Variants in MDM4 observed in about 807,000 individuals in gnomAD.
MDM4 encodes the protein protein Mdm4.
In MDM4, 2 loss-of-function variants were observed where a neutral mutation model predicts 60.2. The observed-to-expected ratio is 0.03, with a 90% CI of 0.01 to 0.10. The LOEUF (loss-of-function observed/expected upper bound fraction) is 0.10. MDM4 is among the 10% of genes least tolerant of loss of function. MDM4 has a pLI of 1.00. For synonymous variants in MDM4, 202 were observed against 198.1 expected, an observed-to-expected ratio of 1.02 and a Z score of -0.17; for missense variants, 447 against 577.5, an observed-to-expected ratio of 0.77 and a Z score of 2.32.
At chr1:204,535,694 G>A (rs1415683913) in intron 5 of MDM4, among the ~76,000 whole-genome samples, 8 of 151,794 alleles carry the variant, frequency 5.3e-5, no homozygotes, top group Non-Finnish European at 7.4e-5. Context: ...CACCAAGCCC[G>A]GCTAATTTTT....
rs764328425 is a variant in MDM4, at chr1:204,546,801, T to C, written c.827T>C (p.Ile276Thr). The change falls in exon 10 of 11, where the codon ATT (isoleucine) becomes ACT (threonine). Residue 276 changes from isoleucine to threonine, a missense_variant. Ile to Thr is a moderately conservative substitution (Grantham distance 89). Coordinates refer to ENST00000367182, the MANE Select transcript of MDM4 (RefSeq NM_002393.5). ...EVGKVSDKKV[I>T]EVGKNDDLED... is the part of the protein sequence containing the mutation. Reference sequence around the variant, plus strand: ...GAGATGTTTTTGCCTTCACAGGTGATTGAAGTGGGAAAAAATGATGACCTG... The same window carrying C: ...GAGATGTTTTTGCCTTCACAGGTGACTGAAGTGGGAAAAAATGATGACCTG... The C allele has an allele frequency of 1.2e-5, 20 of 1,610,472 alleles. No individual in the cohort carries two copies. The highest frequency in any genetic ancestry group is 1.1e-4 in the East Asian group (5 of 44,844).
At chr1:204,532,135 G>T in intron 4 of MDM4, 56 bp from the exon 5 acceptor site, 1 of 1,028,902 alleles carries the variant, frequency 9.7e-7, no homozygotes. Flanking sequence ...GCAAACCACT[G>T]ATATCTTCAT....
intron 1 of MDM4, among the ~76,000 whole-genome samples, chr1:204,524,913 T>C (rs12135978): frequency 4.6e-5 from 7 of 152,276 alleles, no homozygotes; most frequent in Non-Finnish European, 7.3e-5. Context: ...TGATGGTATA[T>C]GTCCATCTCG....
intron 1 of MDM4, among the ~76,000 whole-genome samples, chr1:204,519,751 T>G (rs1659365615): frequency 6.6e-6 from 1 of 151,818 alleles, no homozygotes; most frequent in South Asian, 2.1e-4. Context: ...GAGGTTGAGG[T>G]TGCAGTAAGC....
chr1:204,540,711 C>T (rs530521924), intron 7 of MDM4, among the ~76,000 whole-genome samples: 5 of 151,956 alleles, frequency 3.3e-5, no homozygotes, highest in African/African-American at 1.2e-4. Context: ...TGCAGTGAGC[C>T]GAGATCGCGC....
At chr1:204,546,310 C>T (rs939222809) in intron 9 of MDM4, among the ~76,000 whole-genome samples, 3 of 152,130 alleles carry the variant, frequency 2.0e-5, no homozygotes, top group African/African-American at 7.2e-5. Context: ...TCAAGCGATT[C>T]TCTTGTCTCA....
chr1:204,549,079 CCT>C (rs761845578), intron 10 of MDM4, 32 bp from the exon 11 acceptor site: 6 of 1,292,602 alleles, frequency 4.6e-6, no homozygotes, highest in Non-Finnish European at 6.6e-6. Flanking sequence ...ATATTAACCC[CCT>C]GAGTATTAAT....
intron 5 of MDM4, among the ~76,000 whole-genome samples, chr1:204,535,642 C>T (rs544240774): frequency 1.5e-4 from 23 of 152,190 alleles, no homozygotes; most frequent in African/African-American, 5.5e-4. Context: ...CAGGTGATCT[C>T]CTGCCTCAGC....
At chr1:204,520,136 G>T (rs1303322851) in intron 1 of MDM4, among the ~76,000 whole-genome samples, 2 of 151,884 alleles carry the variant, frequency 1.3e-5, no homozygotes, top group Non-Finnish European at 2.9e-5. Context: ...AATTAGCCAG[G>T]CGAGGTGGTG....
intron 6 of MDM4, chr1:204,537,887 G>A: frequency 1.5e-6 from 1 of 677,458 alleles, no homozygotes; most frequent in East Asian, 3.1e-5. Context: ...TTGGTACGTG[G>A]CGAGGGTTTC....
chr1:204,529,005 G>T, intron 3 of MDM4: 2 of 1,527,264 alleles, frequency 1.3e-6, no homozygotes, highest in South Asian at 2.3e-5. Flanking sequence ...GACAGAGCGT[G>T]GGCAGTAGCT....
At chr1:204,547,854 G>C (rs1662820906) in intron 10 of MDM4, among the ~76,000 whole-genome samples, 1 of 152,218 alleles carries the variant, frequency 6.6e-6, no homozygotes, top group Non-Finnish European at 1.5e-5. Flanking sequence ...CTCCCAAGTA[G>C]CTGAGATTAC....
chr1:204,537,892 G>C (rs773223295), intron 6 of MDM4: 5 of 681,150 alleles, frequency 7.3e-6, no homozygotes, highest in Admixed American at 1.8e-5. Flanking sequence ...ACGTGGCGAG[G>C]GTTTCATATG....
Position 204,557,861 on chromosome 1 carries a change from T to C in MDM4, c.*8179T>C, listed in dbSNP as rs538815575. The C allele has an allele frequency of 1.6e-4, 30 of 187,342 alleles. No homozygotes were observed. In the East Asian group the frequency reaches 1.9e-3, roughly 12 times the overall value. 11.6% of individuals were successfully genotyped at this position (187,342 alleles called of 1,614,324 possible). A position where few individuals can be genotyped will look rare whatever the true frequency, so the allele number is the denominator to read the frequency against. ...AGAAAGCAGCAATTTAAAATAACTT[T>C]TTGGGAGACTGAATTGAGTAATAAT... is the stretch of plus-strand genomic sequence containing the variant. On this transcript the variant is annotated 3_prime_UTR_variant, in exon 11 of 11. Transcript: ENST00000367182.
intron 2 of MDM4, 60 bp from the exon 3 acceptor site, chr1:204,526,300 C>G (rs985860056): frequency 2.8e-6 from 4 of 1,421,984 alleles, no homozygotes; most frequent in Non-Finnish European, 3.9e-6. Flanking sequence ...TTCTCTTGTT[C>G]CATAGTTTCA....
At chr1:204,517,092 T>G (rs1659057165) in intron 1 of MDM4, among the ~76,000 whole-genome samples, 1 of 151,560 alleles carries the variant, frequency 6.6e-6, no homozygotes, top group Non-Finnish European at 1.5e-5. Flanking sequence ...AATACAAAAA[T>G]ATTAGATGTG....
chr1:204,539,460 G>A (rs1661793061), intron 7 of MDM4, among the ~76,000 whole-genome samples: 1 of 151,580 alleles, frequency 6.6e-6, no homozygotes, highest in African/African-American at 2.4e-5. Context: ...CTAGGATGGT[G>A]CAAGACCCTT....
intron 7 of MDM4, among the ~76,000 whole-genome samples, chr1:204,540,021 CCTGTAATCCCAGCACTTTGGGAGG>C (rs1661875419): frequency 6.6e-6 from 1 of 151,790 alleles, no homozygotes; most frequent in South Asian, 2.1e-4. Flanking sequence ...GTGGCTCACG[CCTGTAATCCCAGCACTTTGGGAGG>C]CTGAGGTGGG....
At chr1:204,524,499 C>T (rs1358198301) in intron 1 of MDM4, among the ~76,000 whole-genome samples, 2 of 152,218 alleles carry the variant, frequency 1.3e-5, no homozygotes, top group African/African-American at 4.8e-5. Context: ...TATTTTCCGG[C>T]TGGGCATGGT....
Sources: gnomAD v4.1 joint callset for allele counts (sites outside exome capture counted in the v4.1 genomes callset) on GRCh38, gnomAD v4.1.1 for gene constraint, MANE v1.5 for transcripts, NCBI Gene and HGNC (gene_info 2026-07-23, HGNC 2026-07-21) for gene names.